Variants in ESS2 observed in about 807,000 individuals in gnomAD.
ESS2 encodes the protein splicing factor ESS-2 homolog.
A neutral mutation model predicts 52.0 loss-of-function variants in ESS2; 31 were observed. The ratio of observed to expected loss-of-function variants is 0.60; its 90% CI spans 0.45 to 0.81. The LOEUF (loss-of-function observed/expected upper bound fraction) is 0.81, where lower values mean the gene tolerates loss of function less well. ESS2 is among the 30% of genes least tolerant of loss of function. The pLI is 0.00. For synonymous variants in ESS2, 285 were observed against 259.2 expected (o/e 1.10, Z -0.95); for missense variants, 602 against 637.2 (o/e 0.94, Z 0.59).
In ESS2 at chr22:19,130,534, C is replaced by G. The variant is rs954041279; in HGVS notation, c.*3662G>C. On this transcript the variant is annotated 3_prime_UTR_variant, in exon 10 of 10. Coordinates refer to ENST00000252137, the MANE Select transcript of ESS2 (RefSeq NM_022719.3). ...CCTTCAAGGCCTGTCTACTGTGGTA[C>G]CGGAGTGATTATTTCGATTGTATCT... is the stretch of plus-strand genomic sequence containing the variant. 7.1e-6 allele frequency: 3 copies of G among 423,830 alleles called. No individual in the cohort carries two copies. Among genetic ancestry groups the G allele is most frequent in the Non-Finnish European group, 1.4e-5 (3 of 218,088 alleles). 26.3% of individuals were successfully genotyped at this position (423,830 alleles called of 1,614,324 possible).
chr22:19,134,478 G>A lies in ESS2; in HGVS notation c.1152-3C>T. The A allele has an allele frequency of 6.5e-7, 1 of 1,539,702 alleles. No homozygotes were observed. Among genetic ancestry groups the A allele is most frequent in the Non-Finnish European group, 8.8e-7 (1 of 1,140,994 alleles). On this transcript the variant is annotated splice_region_variant and splice_polypyrimidine_tract_variant and intron_variant, in intron 9 of 9. Transcript: ENST00000252137. ...GGCTCAGGCCTTTGGGGGTGAGGCT[G>A]GGGTGGAGGAATGGGTGAGAGAGGC...
rs1224436165 is a variant in ESS2, at chr22:19,133,042, A to G, written c.*1154T>C. Reference sequence around the variant, plus strand: ...ATCCTCCTCTTCCTCTATTTCCTGGAGTCATGTGAGATTTCTGTCCTCAGC... The same window carrying G: ...ATCCTCCTCTTCCTCTATTTCCTGGGGTCATGTGAGATTTCTGTCCTCAGC... On this transcript the variant is annotated 3_prime_UTR_variant, in exon 10 of 10. Transcript: ENST00000252137. 1.3e-5 allele frequency: 2 copies of G among 153,024 alleles called. No individual in the cohort carries two copies. The highest frequency in any genetic ancestry group is 2.9e-5 in the Non-Finnish European group (2 of 69,012). 9.5% of individuals were successfully genotyped at this position (153,024 alleles called of 1,614,324 possible).
chr22:19,140,027 G>C lies in ESS2; in HGVS notation c.401-3C>G, dbSNP rs376362099. 245 of 1,613,208 alleles carry C rather than the reference G, an allele frequency of 1.5e-4. No individual in the cohort carries two copies. Among genetic ancestry groups the C allele is most frequent in the Non-Finnish European group, 2.0e-4 (232 of 1,179,910 alleles). Reference sequence around the variant, plus strand: ...CTCCTCCTCCTCTCCAGCCTCTCCTGCTTAGGGGTTGCGGGAGGAGGAACA... The same window carrying C: ...CTCCTCCTCCTCTCCAGCCTCTCCTCCTTAGGGGTTGCGGGAGGAGGAACA... On this transcript the variant is annotated splice_polypyrimidine_tract_variant and splice_region_variant and intron_variant, in intron 3 of 9. Transcript: ENST00000252137.
chr22:19,137,400 C>T lies in ESS2; in HGVS notation c.958G>A (p.Glu320Lys). ...VNESPMMTWG[E>K]VENTPLRVEG... ...ACTCTCAAGGGTGTGTTCTCAACCTCCCCCCAGGTCATCATCGGGGACTCG... is the reference window on the plus strand; with the variant it reads ...ACTCTCAAGGGTGTGTTCTCAACCTTCCCCCAGGTCATCATCGGGGACTCG... The change falls in exon 8 of 10, where the codon GAG becomes AAG. Residue 320 changes from glutamate to lysine, a missense_variant. Glu to Lys is a moderately conservative substitution (Grantham distance 56). Transcript: ENST00000252137. 6.2e-7 allele frequency: 1 copy of T among 1,612,916 alleles called. No individual in the cohort carries two copies. The highest frequency in any genetic ancestry group is 8.5e-7 in the Non-Finnish European group (1 of 1,179,412).
rs754269796 is a variant in ESS2, at chr22:19,132,128, C to A, written c.*2068G>T. The A allele has an allele frequency of 6.2e-7, 1 of 1,612,330 alleles. No homozygotes were observed. Among genetic ancestry groups the A allele is most frequent in the African/African-American group, 1.3e-5 (1 of 74,870 alleles). Reference sequence around the variant, plus strand: ...TCCCGCGCTCCAAGAACCTGACCTGCGAGTGCAAGGACCTCATCTACCGCA... The same window carrying A: ...TCCCGCGCTCCAAGAACCTGACCTGAGAGTGCAAGGACCTCATCTACCGCA... On this transcript the variant is annotated 3_prime_UTR_variant, in exon 10 of 10. Coordinates refer to ENST00000252137, the MANE Select transcript of ESS2 (RefSeq NM_022719.3). The surrounding 1 kb of genome is among the most constrained non-coding windows in gnomAD (Gnocchi z 4.2).
Position 19,130,446 on chromosome 22 carries a change from T to C in ESS2, c.*3750A>G. ...CTAAGTCTACTGGTAACTAATTTTG[T>C]TCCAAGGAGAAGGTCAGAGGCAAAA... On this transcript the variant is annotated 3_prime_UTR_variant, in exon 10 of 10. Coordinates refer to ENST00000252137, the MANE Select transcript of ESS2 (RefSeq NM_022719.3). The C allele has an allele frequency of 3.7e-6, 1 of 267,678 alleles. No individual in the cohort carries two copies. The highest frequency in any genetic ancestry group is 7.3e-6 in the Non-Finnish European group (1 of 137,916). The allele number at this position is 267,678 out of a possible 1,614,324, so 16.6% of individuals were successfully genotyped here.
Position 19,134,002 on chromosome 22 carries a change from C to A in ESS2, c.*194G>T. 1.8e-6 allele frequency: 1 copy of A among 546,884 alleles called. No individual in the cohort carries two copies. The allele number at this position is 546,884 out of a possible 1,614,324, so 33.9% of individuals were successfully genotyped here. ...TTAAACAGCAAACAGCTTGGCAAGG[C>A]CCTGGGGTGTGGTGTGGGCACGAGT... On this transcript the variant is annotated 3_prime_UTR_variant, in exon 10 of 10. Coordinates refer to ENST00000252137, the MANE Select transcript of ESS2 (RefSeq NM_022719.3).
In ESS2 at chr22:19,134,627, G is replaced by A. The variant is rs2083549850; in HGVS notation, c.1152-152C>T. ...TACTGCCAGCATGGCAGCAAATGCG[G>A]GGGATCCCTGAGGTCAAACAGCAGC... On this transcript the variant is annotated intron_variant, in intron 9 of 9. Coordinates refer to ENST00000252137, the MANE Select transcript of ESS2 (RefSeq NM_022719.3). 3.6e-6 allele frequency: 3 copies of A among 835,846 alleles called. No homozygotes were observed. In the South Asian group the frequency reaches 6.8e-5, roughly 19 times the overall value. The allele number at this position is 835,846 out of a possible 1,614,324, so 51.8% of individuals were successfully genotyped here.
chr22:19,137,122 C>T (rs117144286), intron 8 of ESS2, among the ~76,000 whole-genome samples: 1,886 of 152,262 alleles, frequency 0.012, 22 homozygotes, highest in Middle Eastern at 0.027. Flanking sequence ...CTTGGTGTCT[C>T]AGCCCTTACA....
At chr22:19,139,782 C>T in intron 4 of ESS2, 53 bp from the exon 5 acceptor site, 2 of 1,613,274 alleles carry the variant, frequency 1.2e-6, no homozygotes, top group Non-Finnish European at 1.7e-6. Flanking sequence ...GGCATTGTAC[C>T]CATGGCCCTG....
In ESS2 at chr22:19,135,169, C is replaced by T. The variant is rs1456783061; in HGVS notation, c.1042G>A (p.Glu348Lys). The T allele has an allele frequency of 6.2e-7, 1 of 1,613,040 alleles. No homozygotes were observed. Among genetic ancestry groups the T allele is most frequent in the Non-Finnish European group, 8.5e-7 (1 of 1,179,260 alleles). Residue 348 changes from glutamate (E) to lysine (K), a missense_variant, in exon 9 of 10, where the codon GAG becomes AAG. By Grantham distance (56) the Glu-to-Lys change is moderately conservative. Transcript: ENST00000252137. ...CCCAGCCGCTCCCTGCGGCCTGGCT[C>T]CAGGATCTACAAGGTAGCAGGTGTG... Reference protein sequence around the residue: ...RTPGPAFKILEPGRRERLGLK... With the variant: ...RTPGPAFKILKPGRRERLGLK...
rs767878964 is a variant in ESS2 at position 19,131,422 on chromosome 22, G to A, written c.*2774C>T. The A allele has an allele frequency of 6.2e-7, 1 of 1,610,864 alleles. No individual in the cohort carries two copies. Among genetic ancestry groups the A allele is most frequent in the Non-Finnish European group, 8.5e-7 (1 of 1,178,102 alleles). Reference sequence around the variant, plus strand: ...ACCATGGACGATGCCACAGTCCTAAGGAAGAAGGGTTACATCGTAGGCATC... The same window carrying A: ...ACCATGGACGATGCCACAGTCCTAAAGAAGAAGGGTTACATCGTAGGCATC... On this transcript the variant is annotated 3_prime_UTR_variant, in exon 10 of 10. Coordinates refer to ENST00000252137, the MANE Select transcript of ESS2 (RefSeq NM_022719.3). This position sits in a 1 kb window ranked among gnomAD's most constrained non-coding sequence, Gnocchi z 5.7.
intron 7 of ESS2, 27 bp downstream of exon 7, chr22:19,138,188 C>T: frequency 1.9e-6 from 3 of 1,613,094 alleles, no homozygotes; most frequent in Non-Finnish European, 2.5e-6. Context: ...AGCAGTAGAC[C>T]CACTTGCCAG....
In ESS2 at chr22:19,132,287, G is replaced by A. The variant is rs374835818; in HGVS notation, c.*1909C>T. 2 of 1,613,464 alleles carry A rather than the reference G, an allele frequency of 1.2e-6. No individual in the cohort carries two copies. Among genetic ancestry groups the A allele is most frequent in the African/African-American group, 2.7e-5 (2 of 74,912 alleles). ...AGGGGGAGGGCAAGTACCGCGCTGA[G>A]TGCAAACTGGACACCAAGACAGGCT... On this transcript the variant is annotated 3_prime_UTR_variant, in exon 10 of 10. Coordinates refer to ENST00000252137, the MANE Select transcript of ESS2 (RefSeq NM_022719.3). This position sits in a 1 kb window ranked among gnomAD's most constrained non-coding sequence, Gnocchi z 4.2.
chr22:19,132,574 A>G lies in ESS2; in HGVS notation c.*1622T>C, dbSNP rs2083521555. The G allele has an allele frequency of 1.2e-5, 15 of 1,236,284 alleles. No individual in the cohort carries two copies. Among genetic ancestry groups the G allele is most frequent in the Middle Eastern group, 4.0e-4 (2 of 5,036 alleles). 76.6% of individuals were successfully genotyped at this position (1,236,284 alleles called of 1,614,324 possible). ...CTAAGTAGGCAGGTAGGATCTGAAG[A>G]AGGCACAGGTGCAAGTAAAATTCGT... is the stretch of plus-strand genomic sequence containing the variant. On this transcript the variant is annotated 3_prime_UTR_variant, in exon 10 of 10. Coordinates refer to ENST00000252137, the MANE Select transcript of ESS2 (RefSeq NM_022719.3). The surrounding 1 kb of genome is among the most constrained non-coding windows in gnomAD (Gnocchi z 4.2).
In ESS2 at chr22:19,142,648, G is replaced by C. The variant is rs994367761; in HGVS notation, c.305-15C>G. ...TGGAGTCACATCTAGGGGAAGAGAG[G>C]GGGATAAGAATTAGAGTGAGCCTGA... On this transcript the variant is annotated splice_polypyrimidine_tract_variant and intron_variant, in intron 2 of 9. Coordinates refer to ENST00000252137, the MANE Select transcript of ESS2 (RefSeq NM_022719.3). The C allele has an allele frequency of 6.2e-7, 1 of 1,611,394 alleles. No homozygotes were observed. Among genetic ancestry groups the C allele is most frequent in the Admixed American group, 1.7e-5 (1 of 59,508 alleles).
In ESS2 at chr22:19,139,916, G is replaced by C. The variant is rs1219811264; in HGVS notation, c.509C>G (p.Ala170Gly). 6.2e-7 allele frequency: 1 copy of C among 1,614,146 alleles called. No individual in the cohort carries two copies. Among genetic ancestry groups the C allele is most frequent in the South Asian group, 1.1e-5 (1 of 91,090 alleles). The change falls in exon 4 of 10, where the codon GCC (alanine) becomes GGC (glycine). Residue 170 changes from alanine (A) to glycine (G), a missense_variant. Ala to Gly is a moderately conservative substitution (Grantham distance 60, BLOSUM62 0). Transcript: ENST00000252137. ...NASFQEIMEV[A>G]KERSRARHAW... ...GTGGCGTGCCCGGCTTCTCTCCTTG[G>C]CCACCTCCATGATCTCCTGGAAGGA...
At position 19,140,001 on chromosome 22, in the gene ESS2, T is replaced by TCTCCTC. The variant is rs1259092281; in HGVS notation, c.418_423dup (p.Glu140_Glu141dup). Reference sequence around the variant, plus strand: ...ACATCTAGGCTGGGCAGCGGCTCCTTCTCCTCCTCCTCTCCAGCCTCTCCT... The same window carrying TCTCCTC: ...ACATCTAGGCTGGGCAGCGGCTCCTTCTCCTCCTCCTCCTCCTCTCCAGCCTCTCCT... On this transcript the variant is annotated inframe_insertion, in exon 4 of 10. Coordinates refer to ENST00000252137, the MANE Select transcript of ESS2 (RefSeq NM_022719.3). The TCTCCTC allele has an allele frequency of 6.2e-7, 1 of 1,613,784 alleles. No homozygotes were observed.
rs1042986156 is a variant in ESS2 at position 19,130,652 on chromosome 22, C to T, written c.*3544G>A. 2.6e-5 allele frequency: 8 copies of T among 312,014 alleles called. No individual in the cohort carries two copies. Among genetic ancestry groups the T allele is most frequent in the African/African-American group, 4.5e-5 (2 of 44,490 alleles). 19.3% of individuals were successfully genotyped at this position (312,014 alleles called of 1,614,324 possible). A position where few individuals can be genotyped will look rare whatever the true frequency, so the allele number is the denominator to read the frequency against. On this transcript the variant is annotated 3_prime_UTR_variant, in exon 10 of 10. Transcript: ENST00000252137. ...CCCTTAACTTGTCTTCAGATTTTGT[C>T]GACCCGAGATGGGTCCTGGCACTAG...
Sources: gnomAD v4.1 joint callset for allele counts (sites outside exome capture counted in the v4.1 genomes callset) on GRCh38, gnomAD v4.1.1 for gene constraint, Gnocchi (gnomAD v3.1) non-coding constraint, MANE v1.5 for transcripts, NCBI Gene and HGNC (gene_info 2026-07-23, HGNC 2026-07-21) for gene names.